The following FXR2 variants were observed in gnomAD, a reference collection of about 807,000 sequenced individuals.
FXR2 encodes FMR1 autosomal homolog 2.
A neutral mutation model predicts 87.3 loss-of-function variants in FXR2; 9 were observed. That is an observed-to-expected ratio of 0.10 (90% CI 0.06 to 0.18). FXR2 has a LOEUF of 0.18. Ranked by LOEUF, FXR2 falls within the 10% of genes least tolerant of loss-of-function variation. The pLI, the probability that FXR2 is intolerant of heterozygous loss-of-function variation, is 1.00. For synonymous variants in FXR2, 331 were observed against 328.3 expected (o/e 1.01, Z -0.09); for missense variants, 661 against 893.6 (o/e 0.74, Z 3.32).
intron 1 of FXR2, among the ~76,000 whole-genome samples, chr17:7,609,056 C>T (rs778596808): frequency 7.2e-5 from 11 of 152,144 alleles, no homozygotes; most frequent in Non-Finnish European, 1.2e-4. Context: ...CTGTGATGAG[C>T]TGTGATTGCA....
rs183282996 is a variant in FXR2 at position 7,598,264 on chromosome 17, C to T, written c.661-2270G>A. ...AGGAGATCAAGACCATCCTGGCTAA[C>T]ACGGTGAAACCCCATCTCTACTAAA... On this transcript the variant is annotated intron_variant, in intron 7 of 16. Coordinates refer to ENST00000250113, the MANE Select transcript of FXR2 (RefSeq NM_004860.4). Among the ~76,000 whole-genome samples, 998 of 151,844 alleles carry T rather than the reference C, an allele frequency of 6.6e-3. 6 individuals are homozygous for T. Among genetic ancestry groups the T allele is most frequent in the Admixed American group, 9.4e-3 (144 of 15,248 alleles).
chr17:7,592,714 T>C lies in FXR2; in HGVS notation c.1709A>G (p.Asn570Ser), dbSNP rs372011946. Residue 570 changes from asparagine (N) to serine (S), a missense_variant, in exon 14 of 17, where the codon AAC becomes AGC. Asn to Ser is a conservative substitution (Grantham distance 46). Coordinates refer to ENST00000250113, the MANE Select transcript of FXR2 (RefSeq NM_004860.4). This position sits in a 1 kb window ranked among gnomAD's most constrained non-coding sequence, Gnocchi z 4.8. ...CTCACCCAGGCCATTCTCTGTCATG[T>C]TGGGCCCATCTGATTCCAGGCCTCC... Reference protein sequence around the residue: ...MDGGLESDGPNMTENGLEDES... With the variant: ...MDGGLESDGPSMTENGLEDES... 3 of 1,613,860 alleles carry C rather than the reference T, an allele frequency of 1.9e-6. No individual in the cohort carries two copies. Among genetic ancestry groups the C allele is most frequent in the Admixed American group, 1.7e-5 (1 of 60,004 alleles).
chr17:7,598,887 T>C (rs2071729551), intron 7 of FXR2, among the ~76,000 whole-genome samples: 1 of 152,298 alleles, frequency 6.6e-6, no homozygotes, highest in Admixed American at 6.5e-5. Context: ...GGCTCATGCC[T>C]GTAATCCCAG....
At position 7,594,001 on chromosome 17, in the gene FXR2, T is replaced by C; in HGVS notation, c.1024A>G (p.Met342Val). The part of the protein sequence containing the change: ...NDKKNPREEG[M>V]VPFIFVGTRE... ...GTGCCAACAAAAATGAAGGGAACCA[T>C]TCCCTAGAGAACAGAGAGCAGAAAC... Residue 342 changes from methionine to valine, a missense_variant, in exon 11 of 17, where the codon ATG becomes GTG. This residue lies in a region of FXR2 where 82 missense variants were observed against 214.4 expected (regional missense o/e 0.38). Transcript: ENST00000250113. This position sits in a 1 kb window ranked among gnomAD's most constrained non-coding sequence, Gnocchi z 5.1. 1 of 1,589,138 alleles carries C rather than the reference T, an allele frequency of 6.3e-7. No individual in the cohort carries two copies. The highest frequency in any genetic ancestry group is 8.6e-7 in the Non-Finnish European group (1 of 1,157,310).
intron 7 of FXR2, among the ~76,000 whole-genome samples, chr17:7,597,695 C>CGCTGCACCCG (rs2071719301): frequency 6.6e-6 from 1 of 152,174 alleles, no homozygotes; most frequent in African/African-American, 2.4e-5. Context: ...AGGCGTGAGC[C>CGCTGCACCCG]GCTGCACCCG....
At chr17:7,614,392 C>A in intron 1 of FXR2, 60 bp downstream of exon 1, 1 of 1,267,880 alleles carries the variant, frequency 7.9e-7, no homozygotes, top group Non-Finnish European at 1.1e-6. Flanking sequence ...CCCACGCGTT[C>A]CTGCTCCGGC....
In FXR2 at chr17:7,614,115, T is replaced by C. The variant is rs1363726646; in HGVS notation, c.81+337A>G. The C allele has an allele frequency of 3.8e-5, 21 of 549,436 alleles. No homozygotes were observed. In the Admixed American group the frequency reaches 4.6e-4, roughly 12 times the overall value. The allele number at this position is 549,436 out of a possible 1,614,324, so 34.0% of individuals were successfully genotyped here. ...GAAGATGTGATTAAGGTCTAAGGTA[T>C]GTCTTCCACCAGACAACGGACACAG... On this transcript the variant is annotated intron_variant, in intron 1 of 16. Transcript: ENST00000250113.
Position 7,593,390 on chromosome 17 carries a change from A to T in FXR2, c.1330+13T>A. ...CTGCCACTCCTTGCCTCCTGTTCCC[A>T]TAACTGTCTCACCATAGGCAGGACC... is the stretch of plus-strand genomic sequence containing the variant. On this transcript the variant is annotated intron_variant, in intron 12 of 16. Coordinates refer to ENST00000250113, the MANE Select transcript of FXR2 (RefSeq NM_004860.4). The surrounding 1 kb of genome is among the most constrained non-coding windows in gnomAD (Gnocchi z 6.1). 1 of 1,548,426 alleles carries T rather than the reference A, an allele frequency of 6.5e-7. No homozygotes were observed. Among genetic ancestry groups the T allele is most frequent in the Non-Finnish European group, 8.8e-7 (1 of 1,142,212 alleles).
At position 7,603,040 on chromosome 17, in the gene FXR2, A is replaced by G. The variant is rs186614427; in HGVS notation, c.450-38T>C. 1.8e-5 allele frequency: 19 copies of G among 1,038,722 alleles called. No homozygotes were observed. The African/African-American group carries it at 2.2e-4, about 12-fold the overall frequency. 64.3% of individuals were successfully genotyped at this position (1,038,722 alleles called of 1,614,324 possible). ...AAAGTACTCAGCGGGCAGAATGCAGAGAGTACAGTGAAGAGTTCGGGGGAG... is the reference window on the plus strand; with the variant it reads ...AAAGTACTCAGCGGGCAGAATGCAGGGAGTACAGTGAAGAGTTCGGGGGAG... On this transcript the variant is annotated intron_variant, in intron 5 of 16. Transcript: ENST00000250113.
Position 7,601,507 on chromosome 17 carries a change from C to T in FXR2, c.562G>A (p.Val188Met). ...TCACCCAGCAGAGATGCTCGCTTCACAGGGGCTTCTGTGGTTGACTGGGAG... is the reference window on the plus strand; with the variant it reads ...TCACCCAGCAGAGATGCTCGCTTCATAGGGGCTTCTGTGGTTGACTGGGAG... Reference protein sequence around the residue: ...LFILSTTEAPVKRASLLGDMH... With the variant: ...LFILSTTEAPMKRASLLGDMH... Residue 188 changes from valine to methionine, a missense_variant, in exon 7 of 17, where the codon GTG becomes ATG. Physicochemically the swap from Val to Met is conservative, Grantham distance 21 (BLOSUM62 1). Coordinates refer to ENST00000250113, the MANE Select transcript of FXR2 (RefSeq NM_004860.4). The T allele has an allele frequency of 6.2e-7, 1 of 1,610,952 alleles. No individual in the cohort carries two copies. Among genetic ancestry groups the T allele is most frequent in the Non-Finnish European group, 8.5e-7 (1 of 1,177,454 alleles).
chr17:7,596,093 T>G, intron 7 of FXR2, 99 bp from the exon 8 acceptor site: 1 of 929,690 alleles, frequency 1.1e-6, no homozygotes. Flanking sequence ...CTGTGTGATA[T>G]TAATAGAAAG....
intron 1 of FXR2, among the ~76,000 whole-genome samples, chr17:7,607,728 A>G (rs886282914): frequency 1.3e-5 from 2 of 151,770 alleles, no homozygotes; most frequent in African/African-American, 2.4e-5. Context: ...TGCCCAGCCT[A>G]TGATCCATTT....
rs2071698165 is a variant in FXR2, at chr17:7,595,220, G to A, written c.832-463C>T. On this transcript the variant is annotated intron_variant, in intron 8 of 16. Transcript: ENST00000250113. The surrounding 1 kb of genome is among the most constrained non-coding windows in gnomAD (Gnocchi z 4.7). ...TAATCTCAACAGTTTCGGAGGCTAA[G>A]AAGGGAGGATTGCTTGAGGCTAGGA... 1.3e-5 allele frequency among the ~76,000 whole-genome samples: 2 copies of A among 152,114 alleles called. No individual in the cohort carries two copies. Among genetic ancestry groups the A allele is most frequent in the Admixed American group, 1.3e-4 (2 of 15,274 alleles).
rs1555572103 is a variant in FXR2 at position 7,608,442 on chromosome 17, A to AAAT, written c.82-2296_82-2294dup. ...TCCCATTGCTACTAAAAAAAAAAAA[A>AAAT]AATAATAATAATAATAATATATAAA... On this transcript the variant is annotated intron_variant, in intron 1 of 16. Transcript: ENST00000250113. Among the ~76,000 whole-genome samples the AAAT allele has an allele frequency of 5.4e-3, 772 of 143,054 alleles. 7 individuals carry two copies. Among genetic ancestry groups the AAAT allele is most frequent in the African/African-American group, 0.018 (706 of 39,248 alleles). The allele number at this position is 143,054 out of a possible 152,430, so 93.8% of individuals were successfully genotyped here.
chr17:7,607,963 G>A (rs902079388), intron 1 of FXR2, among the ~76,000 whole-genome samples: 4 of 151,402 alleles, frequency 2.6e-5, no homozygotes, highest in African/African-American at 7.3e-5. Context: ...GGCTAATTCT[G>A]TATTTTTAAG....
chr17:7,600,845 T>G (rs28567456), intron 7 of FXR2, among the ~76,000 whole-genome samples: 1 of 150,778 alleles, frequency 6.6e-6, no homozygotes, highest in Non-Finnish European at 1.5e-5. Context: ...GACTATACCA[T>G]TACACTACAG....
At position 7,602,952 on chromosome 17, in the gene FXR2, T is replaced by C; in HGVS notation, c.500A>G (p.Asn167Ser). The C allele has an allele frequency of 6.3e-7, 1 of 1,596,730 alleles. No individual in the cohort carries two copies. Among genetic ancestry groups the C allele is most frequent in the Non-Finnish European group, 8.6e-7 (1 of 1,165,174 alleles). Residue 167 changes from asparagine to serine, a missense_variant, in exon 6 of 17, where the codon AAC (asparagine) becomes AGC (serine). Asn to Ser is a conservative substitution (Grantham distance 46). This residue lies in a region of FXR2 where 170 missense variants were observed against 247.2 expected (regional missense o/e 0.69). Transcript: ENST00000250113. ...HKEFKKALGA[N>S]CIFLNITNSE... ...GTTTGTGATGTTGAGAAAGATGCAG[T>C]TGGCTCCCAGGGCTTTCTTGAACTC...
chr17:7,609,378 T>C (rs543815554), intron 1 of FXR2, among the ~76,000 whole-genome samples: 1 of 152,266 alleles, frequency 6.6e-6, no homozygotes, highest in African/African-American at 2.4e-5. Context: ...TAGGGATATG[T>C]CTTGCTATAG....
Position 7,595,171 on chromosome 17 carries a change from G to A in FXR2, c.832-414C>T, listed in dbSNP as rs2150941060. 1.3e-5 allele frequency among the ~76,000 whole-genome samples: 2 copies of A among 151,906 alleles called. No individual in the cohort carries two copies. The highest frequency in any genetic ancestry group is 3.9e-4 in the East Asian group (2 of 5,176). ...TTAAAAAAAAAAACAGAGGACCTTG[G>A]CCAGGCACAGCGGCTCACACCCATA... On this transcript the variant is annotated intron_variant, in intron 8 of 16. Transcript: ENST00000250113. This position sits in a 1 kb window ranked among gnomAD's most constrained non-coding sequence, Gnocchi z 4.7.
Sources: gnomAD v4.1 joint callset for allele counts (sites outside exome capture counted in the v4.1 genomes callset) on GRCh38, gnomAD v4.1.1 for gene constraint, gnomAD v4.1.1 regional missense constraint, Gnocchi (gnomAD v3.1) non-coding constraint, MANE v1.5 for transcripts, NCBI Gene and HGNC (gene_info 2026-07-23, HGNC 2026-07-21) for gene names.